The following ADAMTSL1 variants were observed in gnomAD, a reference collection of about 807,000 sequenced individuals.
ADAMTSL1 encodes ADAMTS like 1.
Under a neutral mutation model 201.8 loss-of-function variants are expected in ADAMTSL1, and 126 were observed. That is an observed-to-expected ratio of 0.62 (90% CI 0.54 to 0.72). The LOEUF (loss-of-function observed/expected upper bound fraction) is 0.72, where lower values mean the gene tolerates loss of function less well. ADAMTSL1 is among the 30% of genes least tolerant of loss of function. ADAMTSL1 has a pLI of 0.00. For missense variants in ADAMTSL1, 2,679 were observed against 2,277.8 expected (o/e 1.18, Z -3.59); for synonymous variants, 1,121 against 903.4 (o/e 1.24, Z -4.32).
chr9:18,247,826 G>A (rs1831321341), intron 2 of ADAMTSL1, among the ~76,000 whole-genome samples: 1 of 152,126 alleles, frequency 6.6e-6, no homozygotes, highest in South Asian at 2.1e-4. Flanking sequence ...GATTAAACAA[G>A]TGTATGTGGA....
intron 15 of ADAMTSL1, chr9:18,723,592 C>G (rs1383125865): frequency 6.5e-6 from 1 of 154,430 alleles, no homozygotes; most frequent in African/African-American, 2.4e-5. Flanking sequence ...GTCGCATTTG[C>G]TCCAGATAAA....
chr9:18,814,865 C>T (rs1823733322), intron 20 of ADAMTSL1, among the ~76,000 whole-genome samples: 1 of 152,118 alleles, frequency 6.6e-6, no homozygotes, highest in African/African-American at 2.4e-5. Context: ...ATATGTGCCC[C>T]TAACTTAATT....
chr9:18,645,012 A>G (rs1827703380), intron 7 of ADAMTSL1, among the ~76,000 whole-genome samples: 2 of 152,040 alleles, frequency 1.3e-5, no homozygotes, highest in Admixed American at 6.5e-5. Flanking sequence ...CAACAGTGTA[A>G]AAGTGTTTCT....
intron 1 of ADAMTSL1, among the ~76,000 whole-genome samples, chr9:18,493,341 A>C (rs531952091): frequency 6.6e-6 from 1 of 152,318 alleles, no homozygotes; most frequent in East Asian, 1.9e-4. Flanking sequence ...AAAATGATTT[A>C]ATAAGTATTC....
At chr9:18,267,634 T>C (rs1832171011) in intron 2 of ADAMTSL1, among the ~76,000 whole-genome samples, 1 of 152,108 alleles carries the variant, frequency 6.6e-6, no homozygotes, top group African/African-American at 2.4e-5. Context: ...ATTCTATTGA[T>C]AAGTGTTCTA....
chr9:18,652,385 G>A (rs374365843), intron 7 of ADAMTSL1, among the ~76,000 whole-genome samples: 11,716 of 128,790 alleles, frequency 0.091, 640 homozygotes, highest in Non-Finnish European at 0.14. Flanking sequence ...AAAAAAAAAG[G>A]AAAAAAAAAG....
In ADAMTSL1 at chr9:18,376,428, A is replaced by C. The variant is rs372934921; in HGVS notation, c.208-128401A>C. On this transcript the variant is annotated intron_variant, in intron 2 of 29. Transcript: ENST00000680146. ...GAATTGAGGGAATGAAGAGAGAAGA[A>C]TAACTTGAGAGATACTGAAGAAGAA... Among the ~76,000 whole-genome samples the C allele has an allele frequency of 3.0e-4, 45 of 152,270 alleles. No individual in the cohort carries two copies. In the South Asian group the frequency reaches 8.9e-3, roughly 30 times the overall value.
intron 1 of ADAMTSL1, among the ~76,000 whole-genome samples, chr9:18,055,802 C>T (rs1011253226): frequency 4.6e-5 from 7 of 152,156 alleles, no homozygotes; most frequent in Non-Finnish European, 8.8e-5. Flanking sequence ...CTTTAAATTT[C>T]CTATATTTTA....
At chr9:18,107,637 A>T (rs1304935067) in intron 1 of ADAMTSL1, among the ~76,000 whole-genome samples, 1 of 152,192 alleles carries the variant, frequency 6.6e-6, no homozygotes, top group Admixed American at 6.5e-5. Flanking sequence ...ACTTGAAAAT[A>T]ATTTAAGCAA....
chr9:18,525,879 T>A (rs1819005841), intron 2 of ADAMTSL1, among the ~76,000 whole-genome samples: 2 of 152,230 alleles, frequency 1.3e-5, no homozygotes, highest in Non-Finnish European at 2.9e-5. Flanking sequence ...TGGTCAATTT[T>A]GGAATTAGTG....
chr9:18,910,592 A>AAAGAC lies in ADAMTSL1; in HGVS notation c.*2046_*2050dup, dbSNP rs1830545553. 6.6e-6 allele frequency: 1 copy of AAAGAC among 152,230 alleles called. No homozygotes were observed. Among genetic ancestry groups the AAAGAC allele is most frequent in the African/African-American group, 2.4e-5 (1 of 41,446 alleles). The allele number at this position is 152,230 out of a possible 1,614,324, so 9.4% of individuals were successfully genotyped here. A position where few individuals can be genotyped will look rare whatever the true frequency, so the allele number is the denominator to read the frequency against. On this transcript the variant is annotated 3_prime_UTR_variant, in exon 29 of 29. Coordinates refer to ENST00000380548, the MANE Select transcript of ADAMTSL1 (RefSeq NM_001040272.6). ...GCATAATAGTTATGCATGGAATGAT[A>AAAGAC]AAGACAGACAAATTCCATACTACTA...
intron 1 of ADAMTSL1, among the ~76,000 whole-genome samples, chr9:17,992,060 A>T (rs1819174157): frequency 1.3e-5 from 2 of 151,898 alleles, no homozygotes; most frequent in Non-Finnish European, 2.9e-5. Context: ...CACCTACCTG[A>T]TGTTTATTTT....
intron 5 of ADAMTSL1, among the ~76,000 whole-genome samples, chr9:18,630,120 G>A (rs1471005233): frequency 6.6e-6 from 1 of 152,132 alleles, no homozygotes; most frequent in African/African-American, 2.4e-5. Context: ...GAGCAGTTAA[G>A]TTACTGAAAT....
At chr9:17,959,061 G>A (rs960248895) in intron 1 of ADAMTSL1, among the ~76,000 whole-genome samples, 4 of 152,112 alleles carry the variant, frequency 2.6e-5, no homozygotes, top group Admixed American at 2.0e-4. Flanking sequence ...AATTACTACT[G>A]TAATATAGTA....
At chr9:18,017,391 C>T (rs1820302920) in intron 1 of ADAMTSL1, among the ~76,000 whole-genome samples, 1 of 151,880 alleles carries the variant, frequency 6.6e-6, no homozygotes, top group South Asian at 2.1e-4. Flanking sequence ...TTAACACCTG[C>T]TTAGTTTCAG....
chr9:18,286,962 G>A (rs942541753), intron 2 of ADAMTSL1, among the ~76,000 whole-genome samples: 1 of 152,092 alleles, frequency 6.6e-6, no homozygotes, highest in Non-Finnish European at 1.5e-5. Flanking sequence ...CAACTTAAGA[G>A]ATAAACTGTA....
intron 23 of ADAMTSL1, among the ~76,000 whole-genome samples, chr9:18,835,194 T>G (rs1323790581): frequency 6.6e-6 from 1 of 152,178 alleles, no homozygotes; most frequent in Admixed American, 6.5e-5. Context: ...CATTGTGGTT[T>G]TAATTTGCAT....
At position 18,419,664 on chromosome 9, in the gene ADAMTSL1, C is replaced by T. The variant is rs76197091; in HGVS notation, c.208-85165C>T. Among the ~76,000 whole-genome samples, 987 of 151,372 alleles carry T rather than the reference C, an allele frequency of 6.5e-3. 14 individuals carry two copies. The highest frequency in any genetic ancestry group is 0.023 in the African/African-American group (965 of 41,258). On this transcript the variant is annotated intron_variant, in intron 2 of 29. Coordinates refer to the ADAMTSL1 transcript ENST00000680146. ...TACATGTGATACCTTGAATAAATCTCGAAAGTATGCTGAGTGAAAGAAGTC... is the reference window on the plus strand; with the variant it reads ...TACATGTGATACCTTGAATAAATCTTGAAAGTATGCTGAGTGAAAGAAGTC...
chr9:18,470,955 T>C (rs560958786), upstream of ADAMTSL1, among the ~76,000 whole-genome samples: 1 of 152,256 alleles, frequency 6.6e-6, no homozygotes, highest in South Asian at 2.1e-4. Context: ...TTGCAGACGG[T>C]TTTAATTTAG....
Sources: allele counts gnomAD v4.1 joint callset (sites outside exome capture counted in the v4.1 genomes callset), GRCh38; gene constraint gnomAD v4.1.1; transcripts MANE v1.5; gene names NCBI Gene and HGNC (gene_info 2026-07-23, HGNC 2026-07-21).